STK32A: variants seen among roughly 807,000 people sequenced by gnomAD.
The protein encoded by STK32A is serine/threonine kinase 32A, also known as serine/threonine-protein kinase 32A.
A neutral mutation model predicts 53.2 loss-of-function variants in STK32A; 41 were observed. That is an observed-to-expected ratio of 0.77 (90% confidence interval 0.60 to 1.00). The LOEUF is 1.00. Among genes scored for constraint, STK32A ranks in the 50% least tolerant of loss-of-function variants. STK32A has a pLI of 0.00. For synonymous variants in STK32A, 166 were observed against 162.8 expected, an observed-to-expected ratio of 1.02 and a Z score of -0.15; for missense variants, 458 against 485.8, an observed-to-expected ratio of 0.94 and a Z score of 0.54.
At chr5:147,267,820 C>T (rs1740056195) in intron 2 of STK32A, among the ~76,000 whole-genome samples, 1 of 152,150 alleles carries the variant, frequency 6.6e-6, no homozygotes, top group African/African-American at 2.4e-5. Flanking sequence ...CCTCCCTGAC[C>T]TCCTCTGCCT....
chr5:147,258,147 T>G (rs1355972753), intron 2 of STK32A, among the ~76,000 whole-genome samples: 1 of 150,692 alleles, frequency 6.6e-6, no homozygotes, highest in Non-Finnish European at 1.5e-5. Flanking sequence ...TCTTATAGAC[T>G]CTTTTTAACC....
At chr5:147,343,388 C>A (rs948822298) in intron 6 of STK32A, 6 of 375,204 alleles carry the variant, frequency 1.6e-5, no homozygotes, top group Non-Finnish European at 3.0e-5. Context: ...TACAGAAGGC[C>A]TCAAGCTGAG....
At chr5:147,348,631 G>A in intron 6 of STK32A, 1 of 742,614 alleles carries the variant, frequency 1.3e-6, no homozygotes, top group African/African-American at 1.7e-5. Context: ...GCAGACTAAA[G>A]TAGACAGTTG....
chr5:147,302,483 T>C (rs1226622816), intron 4 of STK32A, among the ~76,000 whole-genome samples: 4 of 152,216 alleles, frequency 2.6e-5, no homozygotes, highest in Admixed American at 6.5e-5. Context: ...GTTTAATGCA[T>C]AGTTACAACA....
rs1052607929 is a variant in STK32A at position 147,386,274 on chromosome 5, A to T, written c.*2291A>T. 2.0e-5 allele frequency: 3 copies of T among 152,214 alleles called. No homozygotes were observed. Among genetic ancestry groups the T allele is most frequent in the Non-Finnish European group, 4.4e-5 (3 of 68,040 alleles). The allele number at this position is 152,214 out of a possible 1,614,324, so 9.4% of individuals were successfully genotyped here. On this transcript the variant is annotated 3_prime_UTR_variant, in exon 13 of 13. Coordinates refer to ENST00000397936, the MANE Select transcript of STK32A (RefSeq NM_001112724.2). ...AGGGGATGTGTTGGAAAGAGCAAGA[A>T]TAAGAAAGTGACCAGATTCTGCTGC...
At chr5:147,383,262 G>T in intron 11 of STK32A, 179 bp from the exon 12 acceptor site, 2 of 626,876 alleles carry the variant, frequency 3.2e-6, no homozygotes, top group Admixed American at 3.3e-5. Flanking sequence ...GATTCCTGGT[G>T]CTTCCTGTTT....
At chr5:147,249,161 T>C (rs1243041904) in intron 2 of STK32A, among the ~76,000 whole-genome samples, 3 of 141,600 alleles carry the variant, frequency 2.1e-5, no homozygotes, top group Non-Finnish European at 4.8e-5. Flanking sequence ...TAAGATTATG[T>C]CATTTTTTGT....
At chr5:147,388,213 C>T (rs1272014619), downstream of STK32A, among the ~76,000 whole-genome samples, 2 of 152,152 alleles carry the variant, frequency 1.3e-5, no homozygotes, top group African/African-American at 4.8e-5. Flanking sequence ...CCTCAACATC[C>T]GTGCCCCATT....
At chr5:147,381,642 GAA>G (rs112622783) in intron 11 of STK32A, among the ~76,000 whole-genome samples, 2 of 139,944 alleles carry the variant, frequency 1.4e-5, no homozygotes, top group Admixed American at 7.2e-5. Flanking sequence ...AAGTCTGTCA[GAA>G]AAAAAAAAAA....
At chr5:147,250,956 A>AG (rs1471729416) in intron 2 of STK32A, among the ~76,000 whole-genome samples, 1 of 152,014 alleles carries the variant, frequency 6.6e-6, no homozygotes, top group Admixed American at 6.5e-5. Flanking sequence ...AAAAAAAAAA[A>AG]AAAAAGAATG....
intron 2 of STK32A, among the ~76,000 whole-genome samples, chr5:147,259,983 C>T (rs1404809653): frequency 4.8e-5 from 7 of 144,632 alleles, no homozygotes; most frequent in African/African-American, 1.8e-4. Context: ...CTCTGTGTCT[C>T]TTTGTCCTCT....
chr5:147,278,587 T>G (rs887607754), intron 3 of STK32A, among the ~76,000 whole-genome samples: 1 of 152,216 alleles, frequency 6.6e-6, no homozygotes, highest in Non-Finnish European at 1.5e-5. Flanking sequence ...TGTTTCCTCA[T>G]TTGTCTAATG....
chr5:147,301,684 G>A (rs12521378), intron 4 of STK32A, among the ~76,000 whole-genome samples: 70,549 of 151,980 alleles, frequency 0.46, 16,727 homozygotes, highest in African/African-American at 0.54. Flanking sequence ...TTAGTTTTCC[G>A]TTGCTGCGGT....
intron 4 of STK32A, among the ~76,000 whole-genome samples, chr5:147,285,649 A>C (rs1049544815): frequency 2.4e-4 from 36 of 152,218 alleles, no homozygotes; most frequent in African/African-American, 8.7e-4. Flanking sequence ...GACAGTTCTC[A>C]AAAGAAGATA....
At chr5:147,363,111 C>CAAAT (rs1554108678) in intron 8 of STK32A, among the ~76,000 whole-genome samples, 1 of 124,046 alleles carries the variant, frequency 8.1e-6, no homozygotes, top group African/African-American at 3.4e-5. Flanking sequence ...AAAAAACAAA[C>CAAAT]AAACAAAAAA....
chr5:147,400,715 A>G, the STK32A span: 1 of 1,614,102 alleles, frequency 6.2e-7, no homozygotes, highest in South Asian at 1.1e-5. Context: ...CAGATGACAG[A>G]CATCCGCTCC....
chr5:147,329,567 T>C (rs1250102531), intron 5 of STK32A, among the ~76,000 whole-genome samples: 1 of 152,234 alleles, frequency 6.6e-6, no homozygotes, highest in Non-Finnish European at 1.5e-5. Context: ...TTAAATGTTG[T>C]GGCATGTGCC....
chr5:147,281,617 G>A (rs1752068660), intron 4 of STK32A, among the ~76,000 whole-genome samples: 1 of 151,496 alleles, frequency 6.6e-6, no homozygotes, highest in African/African-American at 2.4e-5. Context: ...TATGTTAAAT[G>A]ACCAAACCTA....
the STK32A span, chr5:147,401,711 A>C: frequency 1.2e-6 from 2 of 1,613,938 alleles, no homozygotes; most frequent in Non-Finnish European, 1.7e-6. Context: ...AAGGGGCAGG[A>C]AACAGACAAG....
Sources: gnomAD v4.1 joint callset for allele counts (sites outside exome capture counted in the v4.1 genomes callset) on GRCh38, gnomAD v4.1.1 for gene constraint, MANE v1.5 for transcripts, NCBI Gene and HGNC (gene_info 2026-07-23, HGNC 2026-07-21) for gene names.